The following TYW1 variants were observed in gnomAD, a reference collection of about 807,000 sequenced individuals.
The protein encoded by TYW1 is tRNA-yW synthesizing protein 1 homolog.
In TYW1, 46 loss-of-function variants were observed where a neutral mutation model predicts 96.2. The observed-to-expected ratio is 0.48, with a 90% CI of 0.38 to 0.61. The LOEUF (loss-of-function observed/expected upper bound fraction) is 0.61. Among genes scored for constraint, TYW1 ranks in the 20% least tolerant of loss-of-function variants. TYW1 has a pLI of 0.00. For missense variants in TYW1, 684 were observed against 909.6 expected (o/e 0.75, Z 3.19); for synonymous variants, 274 against 323.0 (o/e 0.85, Z 1.63).
intron 13 of TYW1, among the ~76,000 whole-genome samples, chr7:67,166,107 C>T (rs1350855311): frequency 6.6e-6 from 1 of 151,068 alleles, no homozygotes; most frequent in Non-Finnish European, 1.5e-5. Context: ...ATAAGCTGGA[C>T]ATGGTTGTGT....
chr7:67,123,554 A>G (rs898324799), intron 13 of TYW1, among the ~76,000 whole-genome samples: 15 of 152,316 alleles, frequency 9.8e-5, no homozygotes, highest in Admixed American at 5.9e-4. Flanking sequence ...AATAGCTTCT[A>G]TGGGTTTGGA....
chr7:67,036,982 G>T (rs1278970346), intron 7 of TYW1, among the ~76,000 whole-genome samples: 4 of 152,216 alleles, frequency 2.6e-5, no homozygotes, highest in Non-Finnish European at 5.9e-5. Flanking sequence ...CAGTGGGGCA[G>T]ACCAGCAGCT....
chr7:67,093,005 A>T (rs1333211183), intron 11 of TYW1, among the ~76,000 whole-genome samples: 1 of 152,004 alleles, frequency 6.6e-6, no homozygotes, highest in Non-Finnish European at 1.5e-5. Flanking sequence ...TTTACCAAAA[A>T]TTTAAAAAAA....
chr7:67,044,523 A>G (rs1249415345), intron 7 of TYW1, among the ~76,000 whole-genome samples: 3 of 152,132 alleles, frequency 2.0e-5, no homozygotes, highest in Non-Finnish European at 4.4e-5. Flanking sequence ...TTCAACCAAC[A>G]TTTACTGAAG....
intron 9 of TYW1, among the ~76,000 whole-genome samples, chr7:67,065,571 G>C (rs922215164): frequency 1.6e-4 from 25 of 151,932 alleles, no homozygotes; most frequent in African/African-American, 5.5e-4. Flanking sequence ...GAACTTGGAA[G>C]AGGTTTGTAG....
At chr7:67,022,107 C>G (rs6968733) in intron 6 of TYW1, among the ~76,000 whole-genome samples, 27,741 of 151,574 alleles carry the variant, frequency 0.18, 2,965 homozygotes, top group East Asian at 0.47. Flanking sequence ...GAGATGAGGT[C>G]CCACTGTGTT....
At position 66,996,885 on chromosome 7, in the gene TYW1, C is replaced by G; in HGVS notation, c.-94C>G. On this transcript the variant is annotated 5_prime_UTR_variant, in exon 1 of 16. Transcript: ENST00000359626. ...CTGCAGGCACTCGGTACGCCGCTAA[C>G]GCGGCGAGGTAGCTCGGTGCGTCTC... 1.9e-6 allele frequency: 3 copies of G among 1,596,572 alleles called. No individual in the cohort carries two copies. Among genetic ancestry groups the G allele is most frequent in the Admixed American group, 1.8e-5 (1 of 56,856 alleles).
intron 13 of TYW1, among the ~76,000 whole-genome samples, chr7:67,162,018 C>T (rs927353671): frequency 3.9e-5 from 6 of 152,076 alleles, no homozygotes; most frequent in African/African-American, 7.2e-5. Flanking sequence ...CATTCTGGAC[C>T]GGGCGCAGTG....
intron 13 of TYW1, among the ~76,000 whole-genome samples, chr7:67,131,790 G>T (rs1313074030): frequency 1.3e-5 from 2 of 152,184 alleles, no homozygotes; most frequent in Admixed American, 6.5e-5. Flanking sequence ...TGGCCAAAAG[G>T]CCTGAGAGCC....
chr7:67,210,755 C>CGTCT (rs1396645774), intron 15 of TYW1, among the ~76,000 whole-genome samples: 2 of 148,080 alleles, frequency 1.4e-5, no homozygotes, highest in African/African-American at 2.5e-5. Flanking sequence ...GTTTGTCTGT[C>CGTCT]GTCTGTCCGT....
chr7:67,092,195 G>C (rs1271246157), intron 11 of TYW1, among the ~76,000 whole-genome samples: 1 of 152,002 alleles, frequency 6.6e-6, no homozygotes, highest in African/African-American at 2.4e-5. Flanking sequence ...CCCTCTTGAT[G>C]ATACCTTGAA....
chr7:67,070,324 T>C (rs10266985), intron 10 of TYW1, among the ~76,000 whole-genome samples: 32,941 of 152,216 alleles, frequency 0.22, 3,814 homozygotes, highest in African/African-American at 0.29. Flanking sequence ...ATGTTCTTTC[T>C]GTTCCTTCTT....
chr7:67,089,783 C>T (rs1796656695), intron 11 of TYW1, among the ~76,000 whole-genome samples: 1 of 152,092 alleles, frequency 6.6e-6, no homozygotes, highest in Non-Finnish European at 1.5e-5. Context: ...TTTTCCTGAC[C>T]TTTATTAGCG....
At chr7:67,190,218 A>G (rs1343064620) in intron 14 of TYW1, among the ~76,000 whole-genome samples, 2 of 152,232 alleles carry the variant, frequency 1.3e-5, no homozygotes, top group Admixed American at 6.5e-5. Flanking sequence ...TTTTTCTTGT[A>G]TGTAGCAGTC....
At chr7:67,181,351 A>AAG (rs1563058579) in intron 13 of TYW1, among the ~76,000 whole-genome samples, 2 of 151,734 alleles carry the variant, frequency 1.3e-5, no homozygotes, top group African/African-American at 4.9e-5. Context: ...TGGAAGAATT[A>AAG]TATGTAAAGG....
At chr7:67,091,520 A>G (rs1464848375) in intron 11 of TYW1, among the ~76,000 whole-genome samples, 1 of 152,196 alleles carries the variant, frequency 6.6e-6, no homozygotes, top group East Asian at 1.9e-4. Context: ...ATATGTAACA[A>G]ACCTGCACAT....
intron 12 of TYW1, among the ~76,000 whole-genome samples, chr7:67,102,111 A>AT (rs1432894696): frequency 1.3e-5 from 2 of 152,200 alleles, no homozygotes; most frequent in African/African-American, 4.8e-5. Context: ...AAAGGCATAT[A>AT]TCCCCCAAAA....
intron 12 of TYW1, among the ~76,000 whole-genome samples, chr7:67,116,682 G>A (rs1386073810): frequency 6.6e-6 from 1 of 152,102 alleles, no homozygotes; most frequent in East Asian, 1.9e-4. Context: ...ATGAGATCCT[G>A]TCTGGGGATT....
chr7:67,120,176 G>C (rs570340942), intron 13 of TYW1, among the ~76,000 whole-genome samples: 2 of 151,936 alleles, frequency 1.3e-5, no homozygotes, highest in Non-Finnish European at 2.9e-5. Flanking sequence ...CTGCCTCCTG[G>C]GTTCAAGTGA....
Sources: gnomAD v4.1 joint callset for allele counts (sites outside exome capture counted in the v4.1 genomes callset) on GRCh38, gnomAD v4.1.1 for gene constraint, MANE v1.5 for transcripts, NCBI Gene and HGNC (gene_info 2026-07-23, HGNC 2026-07-21) for gene names.